PRKN: variants seen among roughly 807,000 people sequenced by gnomAD.
PRKN encodes E3 ubiquitin-protein ligase parkin.
A neutral mutation model predicts 59.5 loss-of-function variants in PRKN; 56 were observed. That is an observed-to-expected ratio of 0.94 (90% CI 0.76 to 1.18). PRKN has a LOEUF of 1.18. Ranked by LOEUF, PRKN falls within the 50% of genes most tolerant of loss-of-function variation. The pLI, the probability that PRKN is intolerant of heterozygous loss-of-function variation, is 0.00. For missense variants in PRKN, 657 were observed against 596.4 expected, an observed-to-expected ratio of 1.10 and a Z score of -1.06; for synonymous variants, 250 against 222.1, an observed-to-expected ratio of 1.13 and a Z score of -1.12.
intron 2 of PRKN, among the ~76,000 whole-genome samples, chr6:162,327,962 G>A (rs938022574): frequency 5.9e-5 from 9 of 152,132 alleles, no homozygotes; most frequent in African/African-American, 1.9e-4. Flanking sequence ...GATCACAGAC[G>A]GAGATCCAAG....
At chr6:162,227,438 C>T in intron 3 of PRKN, among the ~76,000 whole-genome samples, 1 of 152,040 alleles carries the variant, frequency 6.6e-6, no homozygotes, top group Non-Finnish European at 1.5e-5. Flanking sequence ...TCCTGAAAAT[C>T]ATGGTTTTTG....
chr6:161,811,815 AG>A (rs1457413513), intron 6 of PRKN, among the ~76,000 whole-genome samples: 1 of 151,972 alleles, frequency 6.6e-6, no homozygotes, highest in Non-Finnish European at 1.5e-5. Flanking sequence ...CCCGCTACTC[AG>A]GAGGCTGAGG....
At chr6:162,563,252 T>C (rs13209994) in intron 1 of PRKN, among the ~76,000 whole-genome samples, 15,056 of 151,034 alleles carry the variant, frequency 0.1, 913 homozygotes, top group Middle Eastern at 0.2. Flanking sequence ...TGCAGTGAGC[T>C]GAGATCGCGC....
chr6:162,140,473 CA>C (rs1267354560), intron 4 of PRKN, among the ~76,000 whole-genome samples: 2 of 152,094 alleles, frequency 1.3e-5, no homozygotes, highest in Non-Finnish European at 2.9e-5. Flanking sequence ...AAATAAACAA[CA>C]AATGTGTGTT....
intron 1 of PRKN, among the ~76,000 whole-genome samples, chr6:162,463,360 TAGG>T (rs1791260664): frequency 1.3e-5 from 2 of 152,302 alleles, no homozygotes; most frequent in South Asian, 2.1e-4. Flanking sequence ...ATCTTTCTGT[TAGG>T]AGATTATTCT....
chr6:162,622,813 G>C (rs1554255008), intron 1 of PRKN, among the ~76,000 whole-genome samples: 1 of 152,138 alleles, frequency 6.6e-6, no homozygotes, highest in Non-Finnish European at 1.5e-5. Flanking sequence ...AGGCAGGCAG[G>C]CTGGTGACAC....
chr6:162,516,863 T>C (rs563008931), intron 1 of PRKN, among the ~76,000 whole-genome samples: 2 of 152,152 alleles, frequency 1.3e-5, no homozygotes, highest in Non-Finnish European at 2.9e-5. Flanking sequence ...TGATGCCTAC[T>C]ATATAGCTGG....
intron 1 of PRKN, among the ~76,000 whole-genome samples, chr6:162,494,961 C>T (rs1018307543): frequency 9.2e-5 from 14 of 152,034 alleles, no homozygotes; most frequent in Non-Finnish European, 8.8e-5. Context: ...GAAATGATGG[C>T]GAAGCCAAAA....
In PRKN at chr6:161,483,115, C is replaced by T. The variant is rs1049866775; in HGVS notation, c.1083+65739G>A. ...TGCAAGGGACTTCTCAGCAATTTCT[C>T]TCTATGTGTTCTGCAGATAAATGTT... On this transcript the variant is annotated intron_variant, in intron 9 of 11. Transcript: ENST00000366898. This position sits in a 1 kb window ranked among gnomAD's most constrained non-coding sequence, Gnocchi z 5.0. Among the ~76,000 whole-genome samples the T allele has an allele frequency of 2.0e-5, 3 of 150,392 alleles. No individual in the cohort carries two copies. The highest frequency in any genetic ancestry group is 7.4e-5 in the African/African-American group (3 of 40,470).
chr6:162,031,808 T>G (rs1016629599), intron 5 of PRKN, among the ~76,000 whole-genome samples: 1 of 152,012 alleles, frequency 6.6e-6, no homozygotes, highest in Admixed American at 6.6e-5. Flanking sequence ...GGGATTAGAG[T>G]TGTGAGCCAT....
At chr6:162,303,814 G>T (rs575188640) in intron 2 of PRKN, among the ~76,000 whole-genome samples, 4 of 152,232 alleles carry the variant, frequency 2.6e-5, no homozygotes, top group Non-Finnish European at 5.9e-5. Context: ...AACAAGCTCA[G>T]GAAGAGTAAG....
At chr6:161,868,187 G>A (rs945156816) in intron 6 of PRKN, among the ~76,000 whole-genome samples, 2 of 151,876 alleles carry the variant, frequency 1.3e-5, no homozygotes, top group Non-Finnish European at 1.5e-5. Context: ...ATCTTCTCCC[G>A]TGTATAACTA....
At chr6:162,635,675 ATGATT>A (rs1337192692) in intron 1 of PRKN, among the ~76,000 whole-genome samples, 2 of 152,132 alleles carry the variant, frequency 1.3e-5, no homozygotes, top group African/African-American at 4.8e-5. Flanking sequence ...AACTGTCATT[ATGATT>A]TAAGAGTTTG....
chr6:162,265,405 TCCCTG>T (rs1020444042), intron 2 of PRKN, among the ~76,000 whole-genome samples: 6 of 152,058 alleles, frequency 3.9e-5, no homozygotes, highest in African/African-American at 1.2e-4. Context: ...CAAAAGAACA[TCCCTG>T]CCAGGCACAG....
chr6:162,271,016 G>GTTTTTTTT (rs61368267), intron 2 of PRKN, among the ~76,000 whole-genome samples: 5 of 108,256 alleles, frequency 4.6e-5, no homozygotes, highest in South Asian at 6.8e-4. Context: ...TAATTTTCTA[G>GTTTTTTTT]TTTTTTTTTT....
At chr6:161,974,681 A>T (rs916629105) in intron 5 of PRKN, among the ~76,000 whole-genome samples, 3 of 152,126 alleles carry the variant, frequency 2.0e-5, no homozygotes, top group African/African-American at 7.2e-5. Context: ...GAAAAAAAAA[A>T]TACATATATT....
chr6:161,689,319 T>C (rs904093128), intron 7 of PRKN, among the ~76,000 whole-genome samples: 1 of 152,156 alleles, frequency 6.6e-6, no homozygotes, highest in Non-Finnish European at 1.5e-5. Context: ...TTCTGTCATA[T>C]TCCATATGCC....
At chr6:162,005,241 G>T (rs7452475) in intron 5 of PRKN, among the ~76,000 whole-genome samples, 2 of 152,076 alleles carry the variant, frequency 1.3e-5, no homozygotes, top group Non-Finnish European at 2.9e-5. Flanking sequence ...TTAGTTTGGT[G>T]TGCATTTGAC....
chr6:161,966,640 T>A (rs1168020428), intron 6 of PRKN, among the ~76,000 whole-genome samples: 1 of 152,222 alleles, frequency 6.6e-6, no homozygotes, highest in Non-Finnish European at 1.5e-5. Context: ...CTTGTTATGC[T>A]TATATTCATA....
Sources: gnomAD v4.1 joint callset for allele counts (sites outside exome capture counted in the v4.1 genomes callset) on GRCh38, gnomAD v4.1.1 for gene constraint, Gnocchi (gnomAD v3.1) non-coding constraint, MANE v1.5 for transcripts, NCBI Gene and HGNC (gene_info 2026-07-23, HGNC 2026-07-21) for gene names.